C3orf52: variants seen among roughly 807,000 people sequenced by gnomAD.
The protein encoded by C3orf52 is chromosome 3 open reading frame 52, also known as TPA-induced transmembrane protein.
C3orf52 carries 22 observed loss-of-function variants against 24.8 expected under a neutral mutation model. The ratio of observed to expected loss-of-function variants is 0.89; its 90% CI spans 0.63 to 1.27. C3orf52 has a LOEUF of 1.27. Ranked by LOEUF, C3orf52 falls within the 50% of genes most tolerant of loss-of-function variation. The pLI is 0.00. For missense variants in C3orf52, 265 were observed against 260.7 expected, an observed-to-expected ratio of 1.02 and a Z score of -0.11; for synonymous variants, 93 against 100.2, an observed-to-expected ratio of 0.93 and a Z score of 0.43.
chr3:112,095,280 T>G (rs968654574), intron 2 of C3orf52, among the ~76,000 whole-genome samples: 3 of 152,236 alleles, frequency 2.0e-5, no homozygotes, highest in African/African-American at 7.2e-5. Context: ...TACTTCCTAT[T>G]CATATCAATT....
In C3orf52 at chr3:112,117,184, A is replaced by G; in HGVS notation, c.*538A>G. 1.8e-6 allele frequency: 1 copy of G among 550,994 alleles called. No homozygotes were observed. The highest frequency in any genetic ancestry group is 3.2e-6 in the Non-Finnish European group (1 of 311,470). 34.1% of individuals were successfully genotyped at this position (550,994 alleles called of 1,614,324 possible). On this transcript the variant is annotated 3_prime_UTR_variant, in exon 6 of 6. Transcript: ENST00000264848. ...ACTAAGCCAATTATTCACTGAAGTCATCCTCCTCCCCCCCACCATTCGATT... is the reference window on the plus strand; with the variant it reads ...ACTAAGCCAATTATTCACTGAAGTCGTCCTCCTCCCCCCCACCATTCGATT...
At chr3:112,086,645 C>T (rs2073829605) in intron 1 of C3orf52, 100 bp downstream of exon 1, 11 of 1,414,162 alleles carry the variant, frequency 7.8e-6, no homozygotes, top group East Asian at 2.5e-5. Context: ...TCAGGCGGGG[C>T]GTCGACGGCG....
At chr3:112,132,277 A>G (rs1262712101), downstream of C3orf52, among the ~76,000 whole-genome samples, 1 of 151,836 alleles carries the variant, frequency 6.6e-6, no homozygotes, top group East Asian at 1.9e-4. Flanking sequence ...CCTGTGTTCC[A>G]CTCTCCAGTA....
At chr3:112,129,595 A>G (rs2074404731), downstream of C3orf52, 1 of 152,158 alleles carries the variant, frequency 6.6e-6, no homozygotes, top group Non-Finnish European at 1.5e-5. Flanking sequence ...CTCCCTTGTT[A>G]TAATGCCGTG....
chr3:112,088,132 T>C (rs1447174329), intron 1 of C3orf52, among the ~76,000 whole-genome samples: 1 of 152,218 alleles, frequency 6.6e-6, no homozygotes, highest in Non-Finnish European at 1.5e-5. Context: ...GTTAGCTTTG[T>C]AGGTCACCCA....
intron 1 of C3orf52, 30 bp from the exon 2 acceptor site, chr3:112,093,330 C>G: frequency 1.9e-6 from 3 of 1,611,740 alleles, no homozygotes; most frequent in Non-Finnish European, 2.5e-6. Flanking sequence ...AACACAATGA[C>G]TGCCTCACAA....
chr3:112,130,936 A>C (rs2074437403), downstream of C3orf52: 1 of 169,586 alleles, frequency 5.9e-6, no homozygotes, highest in East Asian at 1.5e-4. Flanking sequence ...CATCTTTCAC[A>C]GAAAGCATGG....
rs184596007 is a variant in C3orf52 at position 112,107,890 on chromosome 3, T to C, written c.397-1653T>C. Among the ~76,000 whole-genome samples, 142 of 152,336 alleles carry C rather than the reference T, an allele frequency of 9.3e-4. 1 individual carries two copies. Among genetic ancestry groups the C allele is most frequent in the African/African-American group, 3.3e-3 (137 of 41,582 alleles). On this transcript the variant is annotated intron_variant, in intron 3 of 5. Coordinates refer to ENST00000264848, the MANE Select transcript of C3orf52 (RefSeq NM_024616.3). Reference sequence around the variant, plus strand: ...GGGAGTGTATTGTGGAAGTGCAGCGTCCTTGACATTCCATTTGGAGTTGAG... The same window carrying C: ...GGGAGTGTATTGTGGAAGTGCAGCGCCCTTGACATTCCATTTGGAGTTGAG...
At chr3:112,121,577 AG>A (rs2074200347), downstream of C3orf52, 3 of 152,324 alleles carry the variant, frequency 2.0e-5, no homozygotes, top group South Asian at 6.2e-4. Flanking sequence ...CTTTCCTCTA[AG>A]CCATGTTACA....
intron 4 of C3orf52, chr3:112,128,037 T>G (rs2074369036): frequency 6.2e-7 from 1 of 1,613,706 alleles, no homozygotes. Context: ...AGAAACACCC[T>G]TCAGCGATAT....
intron 2 of C3orf52, among the ~76,000 whole-genome samples, chr3:112,094,916 GAGA>G (rs2073912734): frequency 6.6e-6 from 1 of 152,218 alleles, no homozygotes. Flanking sequence ...GTCATAGAAT[GAGA>G]AGAAGAAGGG....
At chr3:112,098,564 C>G (rs111892390) in intron 2 of C3orf52, among the ~76,000 whole-genome samples, 13 of 152,272 alleles carry the variant, frequency 8.5e-5, no homozygotes, top group African/African-American at 3.1e-4. Flanking sequence ...GTCATCATCT[C>G]AATTATTATA....
At chr3:112,112,920 A>G (rs2074098996) in intron 4 of C3orf52, 44 bp from the exon 5 acceptor site, 3 of 1,451,512 alleles carry the variant, frequency 2.1e-6, no homozygotes, top group Non-Finnish European at 2.9e-6. Flanking sequence ...CTTGAGTTGC[A>G]GTATGATGCT....
intron 2 of C3orf52, among the ~76,000 whole-genome samples, chr3:112,095,429 A>G (rs1380591785): frequency 6.6e-6 from 1 of 152,132 alleles, no homozygotes; most frequent in Non-Finnish European, 1.5e-5. Context: ...AGAGATCTAG[A>G]TGGTTTAATA....
chr3:112,104,735 C>T (rs2074008176), intron 3 of C3orf52, among the ~76,000 whole-genome samples: 1 of 152,044 alleles, frequency 6.6e-6, no homozygotes, highest in South Asian at 2.1e-4. Flanking sequence ...TTGGTGCACC[C>T]ATTACCCGAG....
At position 112,113,071 on chromosome 3, in the gene C3orf52, T is replaced by C. The variant is rs764919591; in HGVS notation, c.575T>C (p.Leu192Pro). 116 of 1,611,188 alleles carry C rather than the reference T, an allele frequency of 7.2e-5. 3 individuals are homozygous for C. In the South Asian group the frequency reaches 8.6e-4, roughly 12 times the overall value. ...MSEELVLGIL[L>P]QDFRDQNIPG... ...GAGGAGTTGGTGCTGGGCATTTTGCTACAGGATTTCCGTGATCAGAATATA... is the reference window on the plus strand; with the variant it reads ...GAGGAGTTGGTGCTGGGCATTTTGCCACAGGATTTCCGTGATCAGAATATA... Residue 192 changes from leucine (L) to proline (P), a missense_variant, in exon 5 of 6, where the codon CTA becomes CCA. Physicochemically the swap from Leu to Pro is moderately conservative, Grantham distance 98. Coordinates refer to ENST00000264848, the MANE Select transcript of C3orf52 (RefSeq NM_024616.3).
rs757259486 is a variant in C3orf52, at chr3:112,113,096, A to C, written c.600A>C (p.Ile200=). 12 of 1,611,642 alleles carry C rather than the reference A, an allele frequency of 7.4e-6. No individual in the cohort carries two copies. The highest frequency in any genetic ancestry group is 9.3e-6 in the Non-Finnish European group (11 of 1,178,978). ...TACAGGATTTCCGTGATCAGAATATACCTGGTTGTGAGAGTCTGGGGCTTG... is the reference window on the plus strand; with the variant it reads ...TACAGGATTTCCGTGATCAGAATATCCCTGGTTGTGAGAGTCTGGGGCTTG... ...ILLQDFRDQN[I]PGCESLGLDP... Residue 200 remains isoleucine, a synonymous_variant, in exon 5 of 6, where the codon ATA becomes ATC. Transcript: ENST00000264848.
At chr3:112,119,247 C>T (rs1435776129), downstream of C3orf52, among the ~76,000 whole-genome samples, 3 of 151,986 alleles carry the variant, frequency 2.0e-5, no homozygotes, top group East Asian at 1.9e-4. Context: ...TGGTGGCAGG[C>T]GCCTGTAATC....
downstream of C3orf52, among the ~76,000 whole-genome samples, chr3:112,131,925 T>G (rs573851150): frequency 8.0e-5 from 12 of 150,476 alleles, no homozygotes; most frequent in Non-Finnish European, 1.2e-4. Context: ...TGGAAAAAGG[T>G]TTTTTTTCTT....
Sources: allele counts gnomAD v4.1 joint callset (sites outside exome capture counted in the v4.1 genomes callset), GRCh38; gene constraint gnomAD v4.1.1; transcripts MANE v1.5; gene names NCBI Gene and HGNC (gene_info 2026-07-23, HGNC 2026-07-21).